Variants in CSMD2 observed in about 807,000 individuals in gnomAD.
The protein encoded by CSMD2 is CUB and Sushi multiple domains 2.
A neutral mutation model predicts 398.5 loss-of-function variants in CSMD2; 130 were observed. The observed-to-expected ratio is 0.33, with a 90% confidence interval of 0.28 to 0.38. CSMD2 has a LOEUF of 0.38. Ranked by LOEUF, CSMD2 falls within the 10% of genes least tolerant of loss-of-function variation. The pLI, the probability that CSMD2 is intolerant of heterozygous loss-of-function variation, is 1.00. For missense variants in CSMD2, 3,829 were observed against 4,764.9 expected, an observed-to-expected ratio of 0.80 and a Z score of 5.78; for synonymous variants, 1,828 against 1,908.5, an observed-to-expected ratio of 0.96 and a Z score of 1.10.
upstream of CSMD2, chr1:34,165,670 T>C: frequency 7.2e-7 from 1 of 1,391,038 alleles, no homozygotes; most frequent in Non-Finnish European, 1.0e-6. Context: ...GCACACCTCT[T>C]CCACGTTTGG....
chr1:34,020,900 C>T (rs1648787675), intron 3 of CSMD2, among the ~76,000 whole-genome samples: 1 of 152,058 alleles, frequency 6.6e-6, no homozygotes, highest in Non-Finnish European at 1.5e-5. Flanking sequence ...GACCCTGCAG[C>T]TTGTATGAGG....
At chr1:33,958,467 T>C (rs934495345) in intron 3 of CSMD2, among the ~76,000 whole-genome samples, 2 of 152,126 alleles carry the variant, frequency 1.3e-5, no homozygotes, top group African/African-American at 4.8e-5. Flanking sequence ...TAGGTAAAGT[T>C]ATATGGCAGA....
intron 14 of CSMD2, among the ~76,000 whole-genome samples, chr1:33,740,304 AC>A (rs1478675888): frequency 5.6e-5 from 4 of 71,518 alleles, no homozygotes; most frequent in Non-Finnish European, 9.5e-5. Flanking sequence ...CTCTATTTTC[AC>A]CCCGAAGCCA....
chr1:33,857,139 T>G (rs1639156401), intron 5 of CSMD2, among the ~76,000 whole-genome samples: 1 of 152,130 alleles, frequency 6.6e-6, no homozygotes, highest in Non-Finnish European at 1.5e-5. Flanking sequence ...GTAACTGACC[T>G]GCTTTAGGCC....
At chr1:34,092,173 G>C (rs9425903) in intron 1 of CSMD2, among the ~76,000 whole-genome samples, 79,698 of 151,980 alleles carry the variant, frequency 0.52, 21,804 homozygotes, top group African/African-American at 0.66. Flanking sequence ...GTGCAGGCAC[G>C]ATATGAAAAT....
chr1:33,609,498 A>G (rs1176117706), intron 41 of CSMD2, among the ~76,000 whole-genome samples: 2 of 152,238 alleles, frequency 1.3e-5, no homozygotes, highest in African/African-American at 4.8e-5. Context: ...ACATATATCC[A>G]GGCCTGGAAA....
At chr1:34,012,299 C>T in intron 3 of CSMD2, among the ~76,000 whole-genome samples, 1 of 152,178 alleles carries the variant, frequency 6.6e-6, no homozygotes, top group Non-Finnish European at 1.5e-5. Flanking sequence ...CCTCTTCACA[C>T]AAATACCACC....
intron 1 of CSMD2, among the ~76,000 whole-genome samples, chr1:34,098,522 C>T (rs1170082798): frequency 6.6e-6 from 1 of 151,812 alleles, no homozygotes; most frequent in Non-Finnish European, 1.5e-5. Flanking sequence ...TCTCATTTCA[C>T]AAGATACTAA....
chr1:33,666,809 T>C (rs1201185565), intron 25 of CSMD2, among the ~76,000 whole-genome samples: 2 of 152,144 alleles, frequency 1.3e-5, no homozygotes, highest in African/African-American at 4.8e-5. Flanking sequence ...TGGTGATCAA[T>C]GCACTGTGAA....
chr1:33,689,739 T>C (rs1645173404), intron 25 of CSMD2, among the ~76,000 whole-genome samples: 1 of 152,202 alleles, frequency 6.6e-6, no homozygotes, highest in Non-Finnish European at 1.5e-5. Context: ...TTAGACGATG[T>C]GTGCCAAAGC....
intron 5 of CSMD2, among the ~76,000 whole-genome samples, chr1:33,905,782 A>G (rs143584458): frequency 4.9e-4 from 74 of 152,270 alleles, no homozygotes; most frequent in African/African-American, 1.7e-3. Flanking sequence ...AGTACAGGAG[A>G]GGGCTGGCCT....
At chr1:33,844,754 G>C (rs1661195632) in intron 6 of CSMD2, among the ~76,000 whole-genome samples, 1 of 152,144 alleles carries the variant, frequency 6.6e-6, no homozygotes, top group Non-Finnish European at 1.5e-5. Flanking sequence ...GTTGCTGTTA[G>C]GATTGAACAA....
intron 6 of CSMD2, among the ~76,000 whole-genome samples, chr1:33,831,576 A>T (rs1399621415): frequency 2.0e-5 from 3 of 152,070 alleles, no homozygotes; most frequent in Non-Finnish European, 4.4e-5. Flanking sequence ...TGTAAAGACC[A>T]TCGAGACTAG....
At chr1:33,526,448 T>C (rs1423097951) in intron 65 of CSMD2, among the ~76,000 whole-genome samples, 1 of 152,250 alleles carries the variant, frequency 6.6e-6, no homozygotes, top group Non-Finnish European at 1.5e-5. Flanking sequence ...AGGGTTATTC[T>C]AGGGGTTAAA....
chr1:33,691,909 G>C (rs1190360602), intron 25 of CSMD2, among the ~76,000 whole-genome samples: 1 of 151,464 alleles, frequency 6.6e-6, no homozygotes, highest in Non-Finnish European at 1.5e-5. Context: ...CGCTCATACT[G>C]CTACCCCAAC....
chr1:33,681,551 T>C (rs935081996), intron 25 of CSMD2, among the ~76,000 whole-genome samples: 2 of 152,240 alleles, frequency 1.3e-5, no homozygotes, highest in African/African-American at 2.4e-5. Flanking sequence ...CAATCTTTCA[T>C]AGTCACCAAT....
intron 4 of CSMD2, among the ~76,000 whole-genome samples, chr1:33,934,478 T>G (rs1644406548): frequency 6.6e-6 from 1 of 152,254 alleles, no homozygotes; most frequent in Non-Finnish European, 1.5e-5. Flanking sequence ...CTGGGCTATG[T>G]TGATGGCATG....
chr1:33,577,897 C>T (rs549772884), intron 48 of CSMD2, among the ~76,000 whole-genome samples: 2 of 152,292 alleles, frequency 1.3e-5, no homozygotes, highest in Admixed American at 6.5e-5. Flanking sequence ...GGGCTCCAGT[C>T]CCGTTTCTGA....
At chr1:33,625,551 T>C (rs1161890504) in intron 33 of CSMD2, among the ~76,000 whole-genome samples, 1 of 152,146 alleles carries the variant, frequency 6.6e-6, no homozygotes, top group Non-Finnish European at 1.5e-5. Context: ...CCCTCACTCA[T>C]CAGGGTCCCA....
Sources: allele counts gnomAD v4.1 joint callset (sites outside exome capture counted in the v4.1 genomes callset), GRCh38; gene constraint gnomAD v4.1.1; transcripts MANE v1.5; gene names NCBI Gene and HGNC (gene_info 2026-07-23, HGNC 2026-07-21).